Variants in CCDC69 observed in about 807,000 individuals in gnomAD.
The protein encoded by CCDC69 is coiled-coil domain containing 69.
CCDC69 carries 38 observed loss-of-function variants against 40.3 expected under a neutral mutation model. That is an observed-to-expected ratio of 0.94 (90% CI 0.73 to 1.24). The LOEUF (loss-of-function observed/expected upper bound fraction) is 1.24. CCDC69 is among the 50% of genes most tolerant of loss of function. The pLI is 0.00. For synonymous variants in CCDC69, 141 were observed against 138.9 expected, an observed-to-expected ratio of 1.02 and a Z score of -0.11; for missense variants, 389 against 357.9, an observed-to-expected ratio of 1.09 and a Z score of -0.70.
Position 151,183,161 on chromosome 5 carries a change from T to G in CCDC69, c.*276A>C. On this transcript the variant is annotated 3_prime_UTR_variant, in exon 9 of 9. Coordinates refer to ENST00000355417, the MANE Select transcript of CCDC69 (RefSeq NM_015621.3). ...TGGGAAAGCCTCGGAACTTCTCGGA[T>G]TGGGACAGAGTGCTGGGGCAGGGAG... The G allele has an allele frequency of 8.4e-6, 5 of 595,226 alleles. No individual in the cohort carries two copies. Among genetic ancestry groups the G allele is most frequent in the East Asian group, 3.8e-5 (1 of 26,492 alleles). 36.9% of individuals were successfully genotyped at this position (595,226 alleles called of 1,614,324 possible).
chr5:151,215,633 C>T (rs1052463836), intron 1 of CCDC69: 6 of 425,894 alleles, frequency 1.4e-5, no homozygotes, highest in Middle Eastern at 6.9e-4. Flanking sequence ...CACACCATCC[C>T]CTGTTCTTCA....
chr5:151,215,596 A>C (rs1432656588), intron 1 of CCDC69: 4 of 397,894 alleles, frequency 1.0e-5, no homozygotes, highest in South Asian at 3.4e-5. Flanking sequence ...CTTGCTCAGG[A>C]GGCCTGGGTG....
chr5:151,198,290 T>C (rs71588004), intron 4 of CCDC69, among the ~76,000 whole-genome samples: 2,453 of 132,500 alleles, frequency 0.019, 33 homozygotes, highest in East Asian at 0.065. Context: ...AGAATGAGAT[T>C]GATCTATCTA....
At chr5:151,219,115 C>T (rs1753097341) in intron 1 of CCDC69, among the ~76,000 whole-genome samples, 1 of 152,168 alleles carries the variant, frequency 6.6e-6, no homozygotes, top group African/African-American at 2.4e-5. Flanking sequence ...ATGTACATGC[C>T]AACATCTCCA....
At chr5:151,187,096 C>T (rs1752531613) in intron 5 of CCDC69, among the ~76,000 whole-genome samples, 1 of 152,222 alleles carries the variant, frequency 6.6e-6, no homozygotes, top group South Asian at 2.1e-4. Context: ...CCACAGGTCC[C>T]TGTGCATCCA....
chr5:151,192,109 AT>A, intron 4 of CCDC69, among the ~76,000 whole-genome samples: 1 of 131,022 alleles, frequency 7.6e-6, no homozygotes, highest in Non-Finnish European at 1.7e-5. Context: ...AAAAAAAAGA[AT>A]GAAAAGAAAT....
rs957192764 is a variant in CCDC69, at chr5:151,182,573, G to A, written c.*864C>T. 2 of 165,802 alleles carry A rather than the reference G, an allele frequency of 1.2e-5. No individual in the cohort carries two copies. Among genetic ancestry groups the A allele is most frequent in the African/African-American group, 4.8e-5 (2 of 41,608 alleles). The allele number at this position is 165,802 out of a possible 1,614,324, so 10.3% of individuals were successfully genotyped here. On this transcript the variant is annotated 3_prime_UTR_variant, in exon 9 of 9. Transcript: ENST00000355417. ...AGATGAGATCTAGATTCGACTCTGG[G>A]AACTGCTCCATGCCTTGGTTTCCTC...
In CCDC69 at chr5:151,190,853, G is replaced by A. The variant is rs143631132; in HGVS notation, c.320-3394C>T. 2.9e-3 allele frequency among the ~76,000 whole-genome samples: 437 copies of A among 151,594 alleles called. 1 individual carries two copies. Among genetic ancestry groups the A allele is most frequent in the African/African-American group, 0.01 (420 of 41,322 alleles). On this transcript the variant is annotated intron_variant, in intron 4 of 8. Coordinates refer to ENST00000355417, the MANE Select transcript of CCDC69 (RefSeq NM_015621.3). Reference sequence around the variant, plus strand: ...GGGAAAACAGAGGATAAAGATCAGCGAGAACAAACAGAAAACACATCCTAA... The same window carrying A: ...GGGAAAACAGAGGATAAAGATCAGCAAGAACAAACAGAAAACACATCCTAA...
intron 1 of CCDC69, among the ~76,000 whole-genome samples, chr5:151,210,404 G>A (rs926479332): frequency 9.9e-5 from 15 of 152,036 alleles, no homozygotes; most frequent in East Asian, 1.9e-4. Context: ...TTAGCCAGGC[G>A]GTAGTGGCAT....
intron 4 of CCDC69, 76 bp downstream of exon 4, chr5:151,198,921 C>T (rs1752739269): frequency 1.9e-6 from 2 of 1,051,626 alleles, no homozygotes; most frequent in Non-Finnish European, 3.0e-6. Context: ...GTGGGAGTGC[C>T]CAGGTGAACT....
chr5:151,220,442 G>A (rs577905044), intron 1 of CCDC69, among the ~76,000 whole-genome samples: 10 of 152,282 alleles, frequency 6.6e-5, no homozygotes, highest in African/African-American at 1.4e-4. Flanking sequence ...CCCAGAGCCC[G>A]GTGTGGTCGA....
rs1752741280 is a variant in CCDC69 at position 151,199,008 on chromosome 5, T to C, written c.308A>G (p.Glu103Gly). ...ATCTCTACCCTTACCTTGCAGGGCC[T>C]CTTCATTCTTTCCTTCCAGGACCCT... ...QQRVLEGKNE[E>G]ALQVLRASYE... The change falls in exon 4 of 9, where the codon GAG becomes GGG. Residue 103 changes from glutamate (E) to glycine (G), a missense_variant. By Grantham distance (98) the Glu-to-Gly change is moderately conservative. Coordinates refer to ENST00000355417, the MANE Select transcript of CCDC69 (RefSeq NM_015621.3). 2 of 1,613,790 alleles carry C rather than the reference T, an allele frequency of 1.2e-6. No individual in the cohort carries two copies. The highest frequency in any genetic ancestry group is 1.1e-5 in the South Asian group (1 of 91,086).
chr5:151,208,053 T>G (rs978080294), intron 1 of CCDC69, among the ~76,000 whole-genome samples: 4 of 151,972 alleles, frequency 2.6e-5, no homozygotes, highest in Non-Finnish European at 4.4e-5. Context: ...GAGTTCGAGA[T>G]CAACCTGACC....
chr5:151,184,316 G>A (rs1766686572), intron 8 of CCDC69, 28 bp downstream of exon 8: 1 of 1,555,868 alleles, frequency 6.4e-7, no homozygotes, highest in South Asian at 1.1e-5. Context: ...GGTGGGGATG[G>A]GAGTAAAGGA....
chr5:151,217,647 G>T (rs924935345), intron 1 of CCDC69, among the ~76,000 whole-genome samples: 1 of 152,128 alleles, frequency 6.6e-6, no homozygotes, highest in South Asian at 2.1e-4. Context: ...GCAATCCTTC[G>T]TTCTCTGGCT....
In CCDC69 at chr5:151,221,183, G is replaced by A. The variant is rs545684323; in HGVS notation, c.48+2740C>T. Among the ~76,000 whole-genome samples, 3 of 152,258 alleles carry A rather than the reference G, an allele frequency of 2.0e-5. No individual in the cohort carries two copies. The East Asian group carries it at 5.8e-4, about 29-fold the overall frequency. ...CAGGCACCATAGACCACAGAACTCA[G>A]CAGACCCCCAGATCCTTGAACCTGG... On this transcript the variant is annotated intron_variant, in intron 1 of 8. Coordinates refer to ENST00000355417, the MANE Select transcript of CCDC69 (RefSeq NM_015621.3).
chr5:151,196,527 T>C (rs1752702761), intron 4 of CCDC69, among the ~76,000 whole-genome samples: 3 of 151,920 alleles, frequency 2.0e-5, no homozygotes, highest in Admixed American at 2.0e-4. Context: ...AAAGGAAAAA[T>C]CAGTAAAGCA....
At chr5:151,211,520 T>A (rs1480810927) in intron 1 of CCDC69, among the ~76,000 whole-genome samples, 1 of 138,216 alleles carries the variant, frequency 7.2e-6, no homozygotes, top group Admixed American at 7.1e-5. Flanking sequence ...TGCATCTGCT[T>A]TTTTTTTTTT....
In CCDC69 at chr5:151,217,489, A is replaced by G. The variant is rs148227627; in HGVS notation, c.48+6434T>C. On this transcript the variant is annotated intron_variant, in intron 1 of 8. Transcript: ENST00000355417. ...AAGCTGCTGTAACAAATTACCACGC[A>G]CTTGGTGGCTGAAAACAACAGAAAT... 5.5e-3 allele frequency among the ~76,000 whole-genome samples: 831 copies of G among 152,330 alleles called. 3 individuals are homozygous for G. The highest frequency in any genetic ancestry group is 0.017 in the Middle Eastern group (5 of 294).
Sources: gnomAD v4.1 joint callset for allele counts (sites outside exome capture counted in the v4.1 genomes callset) on GRCh38, gnomAD v4.1.1 for gene constraint, MANE v1.5 for transcripts, NCBI Gene and HGNC (gene_info 2026-07-23, HGNC 2026-07-21) for gene names.